CPNE4: variants seen among roughly 807,000 people sequenced by gnomAD.
The protein encoded by CPNE4 is copine 4.
CPNE4 carries 25 observed loss-of-function variants against 67.9 expected under a neutral mutation model. The observed-to-expected ratio is 0.37, with a 90% CI of 0.27 to 0.51. The LOEUF is 0.51. Among genes scored for constraint, CPNE4 ranks in the 20% least tolerant of loss-of-function variants. The pLI, the probability that CPNE4 is intolerant of heterozygous loss-of-function variation, is 0.93. For missense variants in CPNE4, 464 were observed against 690.8 expected (o/e 0.67, Z 3.68); for synonymous variants, 242 against 244.9 (o/e 0.99, Z 0.11).
At chr3:131,638,558 T>A (rs377406121) in intron 7 of CPNE4, among the ~76,000 whole-genome samples, 1 of 152,046 alleles carries the variant, frequency 6.6e-6, no homozygotes, top group African/African-American at 2.4e-5. Context: ...ATGAGACAGA[T>A]GGCAACATAT....
intron 2 of CPNE4, among the ~76,000 whole-genome samples, chr3:131,769,085 A>G (rs1028571021): frequency 6.6e-6 from 1 of 152,000 alleles, no homozygotes; most frequent in Middle Eastern, 3.2e-3. Context: ...AAAAACCTAT[A>G]TTTTATTGCC....
chr3:131,665,361 A>G (rs1397677356), intron 7 of CPNE4, among the ~76,000 whole-genome samples: 1 of 152,130 alleles, frequency 6.6e-6, no homozygotes, highest in Non-Finnish European at 1.5e-5. Flanking sequence ...ATTTTCAAGT[A>G]GTATGATTAT....
chr3:131,921,863 C>T (rs545358717), intron 1 of CPNE4, among the ~76,000 whole-genome samples: 3 of 152,244 alleles, frequency 2.0e-5, no homozygotes, highest in Non-Finnish European at 2.9e-5. Context: ...GATAGACATG[C>T]TTTGGTCCAA....
chr3:131,993,840 CA>C (rs2073230986), intron 1 of CPNE4, among the ~76,000 whole-genome samples: 1 of 135,602 alleles, frequency 7.4e-6, no homozygotes, highest in Non-Finnish European at 1.7e-5. Context: ...TGCAAAAATA[CA>C]AGAAAAAGAC....
At chr3:131,892,183 C>G (rs2088143802) in intron 2 of CPNE4, among the ~76,000 whole-genome samples, 1 of 152,132 alleles carries the variant, frequency 6.6e-6, no homozygotes, top group African/African-American at 2.4e-5. Context: ...AGGAGAGATT[C>G]TGAATCCTCA....
In CPNE4 at chr3:131,958,609, C is replaced by CT. The variant is rs748126986; in HGVS notation, c.-1-53166dup. On this transcript the variant is annotated intron_variant, in intron 1 of 15. Transcript: ENST00000429747. ...CAATTGATACACCTTTCTTTCTTTT[C>CT]TTTTTTTTTTTTTTTTTTTTTTTTT... 5.3e-3 allele frequency among the ~76,000 whole-genome samples: 511 copies of CT among 95,764 alleles called. 41 individuals are homozygous for CT. The highest frequency in any genetic ancestry group is 0.012 in the African/African-American group (238 of 19,972). 62.8% of individuals were successfully genotyped at this position (95,764 alleles called of 152,430 possible).
intron 2 of CPNE4, among the ~76,000 whole-genome samples, chr3:131,862,195 G>A (rs1391588445): frequency 6.6e-6 from 1 of 152,082 alleles, no homozygotes; most frequent in Non-Finnish European, 1.5e-5. Context: ...AGTTCAAGTT[G>A]TCTTCTTGGT....
chr3:131,978,211 T>C (rs1334636491), intron 1 of CPNE4, among the ~76,000 whole-genome samples: 1 of 46,478 alleles, frequency 2.2e-5, no homozygotes, highest in African/African-American at 1.8e-4. Flanking sequence ...TTATATATAA[T>C]ATATATAATA....
intron 2 of CPNE4, among the ~76,000 whole-genome samples, chr3:131,863,558 T>G (rs1371508359): frequency 3.3e-5 from 5 of 152,228 alleles, no homozygotes; most frequent in African/African-American, 9.6e-5. Context: ...ATGGGATTGT[T>G]TTTTTCTTGT....
chr3:131,558,553 C>T (rs564543217), intron 11 of CPNE4, among the ~76,000 whole-genome samples: 32 of 151,994 alleles, frequency 2.1e-4, no homozygotes, highest in African/African-American at 7.2e-4. Context: ...AAAAACCCTA[C>T]GTGCTTCAAT....
At chr3:131,792,925 G>GTGTGTGTGTGTA (rs58502463) in intron 2 of CPNE4, among the ~76,000 whole-genome samples, 35 of 135,238 alleles carry the variant, frequency 2.6e-4, no homozygotes, top group African/African-American at 9.7e-4. Flanking sequence ...GTGTGTGTGT[G>GTGTGTGTGTGTA]TATCTCCAAC....
At chr3:131,771,894 A>AT (rs948325847) in intron 2 of CPNE4, among the ~76,000 whole-genome samples, 10 of 151,816 alleles carry the variant, frequency 6.6e-5, no homozygotes, top group African/African-American at 1.7e-4. Context: ...TGGGTTTTTA[A>AT]TTTTTTTTGT....
At chr3:131,788,644 A>G (rs2083628498) in intron 2 of CPNE4, among the ~76,000 whole-genome samples, 1 of 152,134 alleles carries the variant, frequency 6.6e-6, no homozygotes, top group Non-Finnish European at 1.5e-5. Context: ...TGTTTTCCCT[A>G]AAGAAATTAT....
intron 2 of CPNE4, among the ~76,000 whole-genome samples, chr3:131,889,074 T>C (rs1012245344): frequency 6.6e-6 from 1 of 152,322 alleles, no homozygotes; most frequent in South Asian, 2.1e-4. Context: ...TATAAAAGTA[T>C]TGAATATCTA....
intron 2 of CPNE4, among the ~76,000 whole-genome samples, chr3:131,780,712 T>G (rs1053067238): frequency 2.0e-5 from 3 of 152,018 alleles, no homozygotes; most frequent in Non-Finnish European, 4.4e-5. Flanking sequence ...AACTACCTAT[T>G]GGGTGTTATG....
intron 1 of CPNE4, among the ~76,000 whole-genome samples, chr3:131,945,383 G>A (rs1035652325): frequency 3.9e-5 from 6 of 152,152 alleles, no homozygotes; most frequent in Admixed American, 3.3e-4. Context: ...ACATCCTCCA[G>A]CTGCTATACC....
intron 15 of CPNE4, 102 bp downstream of exon 15, chr3:131,542,455 A>AG: frequency 1.2e-6 from 1 of 842,604 alleles, no homozygotes; most frequent in Non-Finnish European, 2.0e-6. Context: ...GTGTTGCTTC[A>AG]AGAATGGTGG....
chr3:131,937,844 A>G (rs1397449656), intron 1 of CPNE4, among the ~76,000 whole-genome samples: 1 of 152,158 alleles, frequency 6.6e-6, no homozygotes, highest in Non-Finnish European at 1.5e-5. Context: ...AAGTTAACCA[A>G]TAAGAAACGT....
Position 131,573,071 on chromosome 3 carries a change from A to G in CPNE4, c.927+2000T>C, listed in dbSNP as rs146606622. On this transcript the variant is annotated intron_variant, in intron 10 of 15. Coordinates refer to ENST00000429747, the MANE Select transcript of CPNE4 (RefSeq NM_130808.3). Reference sequence around the variant, plus strand: ...AAAGCTGACTTCATTTTGGAAGAAAATGACATAGAAGTGACTGGTATGTTT... The same window carrying G: ...AAAGCTGACTTCATTTTGGAAGAAAGTGACATAGAAGTGACTGGTATGTTT... Among the ~76,000 whole-genome samples, 275 of 152,258 alleles carry G rather than the reference A, an allele frequency of 1.8e-3. 1 individual carries two copies. Among genetic ancestry groups the G allele is most frequent in the African/African-American group, 6.4e-3 (266 of 41,570 alleles).
Sources: gnomAD v4.1 joint callset for allele counts (sites outside exome capture counted in the v4.1 genomes callset) on GRCh38, gnomAD v4.1.1 for gene constraint, MANE v1.5 for transcripts, NCBI Gene and HGNC (gene_info 2026-07-23, HGNC 2026-07-21) for gene names.